Variants in MTPN observed in about 807,000 individuals in gnomAD.
MTPN encodes the protein myotrophin.
MTPN carries 2 observed loss-of-function variants against 13.5 expected under a neutral mutation model. The observed-to-expected ratio is 0.15, with a 90% CI of 0.06 to 0.47. The LOEUF is 0.47. Ranked by LOEUF, MTPN falls within the 20% of genes least tolerant of loss-of-function variation. The probability of loss-of-function intolerance (pLI) is 0.97; values close to 1 mark genes in which losing one functional copy is unlikely to be tolerated. For synonymous variants in MTPN, 46 were observed against 51.7 expected (o/e 0.89, Z 0.48); for missense variants, 79 against 137.9 (o/e 0.57, Z 2.14).
intron 1 of MTPN, among the ~76,000 whole-genome samples, chr7:135,974,172 G>T (rs973624003): frequency 3.3e-5 from 5 of 152,046 alleles, no homozygotes; most frequent in African/African-American, 1.2e-4. Flanking sequence ...CTCACACTTC[G>T]AACTTTAATA....
chr7:135,972,400 G>A (rs528473618), intron 1 of MTPN, among the ~76,000 whole-genome samples: 1 of 152,278 alleles, frequency 6.6e-6, no homozygotes, highest in East Asian at 1.9e-4. Context: ...AAACACTGTG[G>A]TAAGAAGCAA....
chr7:135,974,454 A>T (rs1799742751), intron 1 of MTPN, among the ~76,000 whole-genome samples: 1 of 152,166 alleles, frequency 6.6e-6, no homozygotes, highest in African/African-American at 2.4e-5. Flanking sequence ...AGTTACAGTG[A>T]GCTATGATCA....
At chr7:135,962,133 A>C (rs1010684146) in intron 1 of MTPN, among the ~76,000 whole-genome samples, 9 of 151,998 alleles carry the variant, frequency 5.9e-5, no homozygotes, top group Admixed American at 5.9e-4. Context: ...AAATATAATT[A>C]TAACAGAACA....
chr7:135,942,814 T>TTG (rs1037903027), intron 3 of MTPN, among the ~76,000 whole-genome samples: 1 of 152,156 alleles, frequency 6.6e-6, no homozygotes, highest in Non-Finnish European at 1.5e-5. Context: ...AGAACTAAAC[T>TTG]TGTGTGTGTG....
chr7:135,936,428 T>A (rs1799115511), intron 3 of MTPN, among the ~76,000 whole-genome samples: 1 of 152,210 alleles, frequency 6.6e-6, no homozygotes, highest in Non-Finnish European at 1.5e-5. Flanking sequence ...GAGGTTGCAG[T>A]GAGCCTAGAT....
At chr7:135,937,098 T>C (rs13242292) in intron 3 of MTPN, among the ~76,000 whole-genome samples, 2,462 of 152,278 alleles carry the variant, frequency 0.016, 32 homozygotes, top group African/African-American at 0.037. Flanking sequence ...TTCCCCTGTA[T>C]ATTATCAGTT....
chr7:135,971,276 G>C (rs1313599157), intron 1 of MTPN, among the ~76,000 whole-genome samples: 1 of 152,112 alleles, frequency 6.6e-6, no homozygotes. Flanking sequence ...GTAAACAAGA[G>C]AGTACATGTA....
chr7:135,947,278 C>T (rs61525311), intron 3 of MTPN, among the ~76,000 whole-genome samples: 12,053 of 152,094 alleles, frequency 0.079, 537 homozygotes, highest in South Asian at 0.15. Flanking sequence ...CACCTCTGGG[C>T]GTGGCCTTGG....
At position 135,969,799 on chromosome 7, in the gene MTPN, A is replaced by G. The variant is rs112999354; in HGVS notation, c.72+7230T>C. ...GAACGATATTTGCAAAACATGATAA[A>G]AAACTGATTTCCCTAATTTATAGAG... is the stretch of plus-strand genomic sequence containing the variant. On this transcript the variant is annotated intron_variant, in intron 1 of 3. Transcript: ENST00000393085. Among the ~76,000 whole-genome samples the G allele has an allele frequency of 1.2e-4, 19 of 152,344 alleles. No individual in the cohort carries two copies. The South Asian group carries it at 1.9e-3, about 15-fold the overall frequency.
rs1306281245 is a variant in MTPN, at chr7:135,927,294, TAGA to T, written c.*2629_*2631del. On this transcript the variant is annotated 3_prime_UTR_variant, in exon 4 of 4. Coordinates refer to ENST00000393085, the MANE Select transcript of MTPN (RefSeq NM_145808.4). ...TGGGTTTAGAAAGGTGAGCTATGCG[TAGA>T]AGAACTACTTGGGATATTCAAGTGC... 5.2e-6 allele frequency: 8 copies of T among 1,550,030 alleles called. No individual in the cohort carries two copies. The highest frequency in any genetic ancestry group is 2.7e-5 in the African/African-American group (2 of 73,032).
chr7:135,968,549 C>A (rs1040294264), intron 1 of MTPN, among the ~76,000 whole-genome samples: 1 of 151,966 alleles, frequency 6.6e-6, no homozygotes, highest in African/African-American at 2.4e-5. Context: ...TGATGTAATA[C>A]CATAAACTAA....
At chr7:135,931,742 C>T (rs1799025284) in intron 3 of MTPN, among the ~76,000 whole-genome samples, 1 of 152,144 alleles carries the variant, frequency 6.6e-6, no homozygotes, top group African/African-American at 2.4e-5. Context: ...TGCTTTTTAG[C>T]TCTCAGAGTT....
chr7:135,956,836 G>C (rs1799450111), intron 1 of MTPN, among the ~76,000 whole-genome samples: 1 of 152,118 alleles, frequency 6.6e-6, no homozygotes, highest in Non-Finnish European at 1.5e-5. Flanking sequence ...ACATCTTGTT[G>C]GACTTGACAT....
chr7:135,962,098 G>A (rs1316295086), intron 1 of MTPN, among the ~76,000 whole-genome samples: 8 of 151,900 alleles, frequency 5.3e-5, no homozygotes, highest in African/African-American at 9.7e-5. Context: ...GAAATTGTAC[G>A]TTACTATTTC....
At chr7:135,955,160 T>G (rs930890711) in intron 1 of MTPN, among the ~76,000 whole-genome samples, 2 of 152,100 alleles carry the variant, frequency 1.3e-5, no homozygotes, top group African/African-American at 2.4e-5. Flanking sequence ...GCAGTACTTA[T>G]AGAGAAATTT....
At chr7:135,972,109 C>G (rs185768252) in intron 1 of MTPN, among the ~76,000 whole-genome samples, 8 of 152,146 alleles carry the variant, frequency 5.3e-5, no homozygotes, top group African/African-American at 1.7e-4. Flanking sequence ...TTAGTTGTAC[C>G]GGCTTCTTAC....
intron 3 of MTPN, among the ~76,000 whole-genome samples, chr7:135,941,311 C>G (rs1267656425): frequency 1.3e-5 from 2 of 149,586 alleles, no homozygotes; most frequent in Non-Finnish European, 3.0e-5. Flanking sequence ...AGTTACAGAA[C>G]CAGGCCTTAA....
chr7:135,950,750 G>A, intron 2 of MTPN, 68 bp from the exon 3 acceptor site: 1 of 1,239,164 alleles, frequency 8.1e-7, no homozygotes, highest in South Asian at 1.3e-5. Flanking sequence ...GTTTTAACTA[G>A]AAAACTCTTT....
intron 3 of MTPN, among the ~76,000 whole-genome samples, chr7:135,930,671 G>C (rs1427713279): frequency 6.6e-6 from 1 of 152,116 alleles, no homozygotes; most frequent in Admixed American, 6.5e-5. Flanking sequence ...TTTTGTGCCT[G>C]TATGTTGTTT....
Sources: allele counts gnomAD v4.1 joint callset (sites outside exome capture counted in the v4.1 genomes callset), GRCh38; gene constraint gnomAD v4.1.1; transcripts MANE v1.5; gene names NCBI Gene and HGNC (gene_info 2026-07-23, HGNC 2026-07-21).